Variants in VEPH1 observed in about 807,000 individuals in gnomAD.
The protein encoded by VEPH1 is ventricular zone-expressed PH domain-containing protein homolog 1.
A neutral mutation model predicts 85.2 loss-of-function variants in VEPH1; 80 were observed. The observed-to-expected ratio is 0.94, with a 90% confidence interval of 0.78 to 1.13. The LOEUF (loss-of-function observed/expected upper bound fraction) is 1.13. Among genes scored for constraint, VEPH1 ranks in the 50% most tolerant of loss-of-function variants. VEPH1 has a pLI of 0.00. For missense variants in VEPH1, 955 were observed against 980.5 expected (o/e 0.97, Z 0.35); for synonymous variants, 297 against 348.0 (o/e 0.85, Z 1.63).
At chr3:157,346,558 AGT>A (rs1370164699) in intron 9 of VEPH1, among the ~76,000 whole-genome samples, 2 of 152,158 alleles carry the variant, frequency 1.3e-5, no homozygotes, top group Non-Finnish European at 2.9e-5. Context: ...GTAATATGTC[AGT>A]GTTTTACTTC....
At chr3:157,407,482 C>A (rs924563286) in intron 6 of VEPH1, among the ~76,000 whole-genome samples, 2 of 152,078 alleles carry the variant, frequency 1.3e-5, no homozygotes, top group Admixed American at 6.6e-5. Flanking sequence ...TACATTCCAC[C>A]CCGAGGAATA....
At chr3:157,305,097 C>G (rs79649560) in intron 11 of VEPH1, among the ~76,000 whole-genome samples, 3 of 103,192 alleles carry the variant, frequency 2.9e-5, no homozygotes, top group Non-Finnish European at 5.9e-5. Flanking sequence ...ATCTATCTAT[C>G]TGTCTTTTTT....
intron 2 of VEPH1, among the ~76,000 whole-genome samples, chr3:157,478,397 A>G (rs1004254210): frequency 3.9e-5 from 6 of 152,166 alleles, no homozygotes; most frequent in Non-Finnish European, 7.3e-5. Flanking sequence ...TCACCATTTC[A>G]GAGTCTGTTT....
At chr3:157,437,944 C>T (rs898275695) in intron 4 of VEPH1, 3 of 1,525,348 alleles carry the variant, frequency 2.0e-6, no homozygotes, top group African/African-American at 2.8e-5. Flanking sequence ...CGGGACCTCC[C>T]ACTGCGGCTT....
chr3:157,333,285 G>C (rs1722668802), intron 9 of VEPH1, among the ~76,000 whole-genome samples: 1 of 152,120 alleles, frequency 6.6e-6, no homozygotes, highest in Non-Finnish European at 1.5e-5. Context: ...CTGGGATGAG[G>C]AATGTTTTGC....
chr3:157,477,142 A>G (rs1226070402), intron 2 of VEPH1, among the ~76,000 whole-genome samples: 1 of 152,128 alleles, frequency 6.6e-6, no homozygotes, highest in Non-Finnish European at 1.5e-5. Flanking sequence ...TCACTGGACT[A>G]AAGTCAAGGT....
intron 9 of VEPH1, among the ~76,000 whole-genome samples, chr3:157,355,347 A>G (rs1314178926): frequency 2.0e-5 from 3 of 152,246 alleles, no homozygotes; most frequent in Non-Finnish European, 4.4e-5. Context: ...GAATGAAGGC[A>G]TAAATGAGCA....
intron 7 of VEPH1, among the ~76,000 whole-genome samples, chr3:157,380,140 C>T (rs1019156882): frequency 6.6e-6 from 1 of 152,166 alleles, no homozygotes; most frequent in Non-Finnish European, 1.5e-5. Context: ...CTGCAAGCCC[C>T]ATCACCCTGT....
chr3:157,437,967 G>A (rs1025349329), intron 4 of VEPH1: 19 of 1,508,610 alleles, frequency 1.3e-5, no homozygotes, highest in Non-Finnish European at 1.7e-5. Context: ...TTCCGGGAGC[G>A]CGCGTAACGG....
At chr3:157,299,626 C>A (rs1444952447) in intron 11 of VEPH1, among the ~76,000 whole-genome samples, 1 of 149,914 alleles carries the variant, frequency 6.7e-6, no homozygotes, top group East Asian at 2.0e-4. Context: ...TATAAAGTCT[C>A]AAAACATTTA....
At chr3:157,459,921 T>C in intron 4 of VEPH1, 1 of 1,537,198 alleles carries the variant, frequency 6.5e-7, no homozygotes, top group Non-Finnish European at 8.7e-7. Context: ...AATGCAGTTC[T>C]TCAAACTGAG....
intron 4 of VEPH1, among the ~76,000 whole-genome samples, chr3:157,441,624 A>G (rs1027405843): frequency 1.3e-5 from 2 of 152,026 alleles, no homozygotes; most frequent in East Asian, 3.9e-4. Context: ...CCTGGCCAAC[A>G]TGGTGAAACC....
chr3:157,419,687 G>A (rs2109066322), intron 5 of VEPH1, among the ~76,000 whole-genome samples: 1 of 152,302 alleles, frequency 6.6e-6, no homozygotes, highest in East Asian at 1.9e-4. Context: ...TGCTGGCGAG[G>A]TTGTGGAGAA....
At chr3:157,264,449 A>G (rs1213422688) in intron 13 of VEPH1, among the ~76,000 whole-genome samples, 1 of 152,120 alleles carries the variant, frequency 6.6e-6, no homozygotes, top group African/African-American at 2.4e-5. Context: ...AATCTCGTAT[A>G]TGTCTTTATA....
chr3:157,473,159 G>A (rs1286058964), intron 2 of VEPH1, among the ~76,000 whole-genome samples: 3 of 135,860 alleles, frequency 2.2e-5, no homozygotes, highest in Non-Finnish European at 4.6e-5. Flanking sequence ...TGCCACTTCC[G>A]CCTCTGGGGT....
chr3:157,272,159 G>C (rs1714643411), intron 12 of VEPH1, among the ~76,000 whole-genome samples: 2 of 152,130 alleles, frequency 1.3e-5, no homozygotes, highest in South Asian at 4.1e-4. Context: ...GCCCTTGTTT[G>C]AAGAGAAGAA....
chr3:157,487,205 C>T (rs550861435), intron 2 of VEPH1, among the ~76,000 whole-genome samples: 14 of 152,016 alleles, frequency 9.2e-5, no homozygotes, highest in Middle Eastern at 3.4e-3. Flanking sequence ...TGATCCTATA[C>T]AGATGATCAA....
chr3:157,475,971 T>A (rs910235969), intron 2 of VEPH1, among the ~76,000 whole-genome samples: 2 of 152,178 alleles, frequency 1.3e-5, no homozygotes, highest in African/African-American at 2.4e-5. Flanking sequence ...GGATTGGACA[T>A]AAAGTATAAA....
chr3:157,480,837 T>A (rs1346655313), intron 2 of VEPH1, among the ~76,000 whole-genome samples: 1 of 152,156 alleles, frequency 6.6e-6, no homozygotes, highest in Non-Finnish European at 1.5e-5. Flanking sequence ...CTGGGTCAAG[T>A]GGTAGTTCCT....
Sources: gnomAD v4.1 joint callset for allele counts (sites outside exome capture counted in the v4.1 genomes callset) on GRCh38, gnomAD v4.1.1 for gene constraint, MANE v1.5 for transcripts, NCBI Gene and HGNC (gene_info 2026-07-23, HGNC 2026-07-21) for gene names.